Variants in IGF2BP2 observed in about 807,000 individuals in gnomAD.
IGF2BP2 encodes the protein insulin like growth factor 2 mRNA binding protein 2.
IGF2BP2 carries 17 observed loss-of-function variants against 75.8 expected under a neutral mutation model. The observed-to-expected ratio is 0.22, with a 90% CI of 0.15 to 0.34. IGF2BP2 has a LOEUF of 0.34. Among genes scored for constraint, IGF2BP2 ranks in the 10% least tolerant of loss-of-function variants. The probability of loss-of-function intolerance (pLI) is 1.00; values close to 1 mark genes in which losing one functional copy is unlikely to be tolerated. For synonymous variants in IGF2BP2, 288 were observed against 295.6 expected, an observed-to-expected ratio of 0.97 and a Z score of 0.26; for missense variants, 516 against 772.4, an observed-to-expected ratio of 0.67 and a Z score of 3.93.
chr3:185,693,008 TTA>T (rs1453061814), intron 4 of IGF2BP2, among the ~76,000 whole-genome samples: 1 of 152,234 alleles, frequency 6.6e-6, no homozygotes, highest in Non-Finnish European at 1.5e-5. Flanking sequence ...ATAAACACTT[TTA>T]TATGAGTATT....
chr3:185,730,335 T>G (rs1189920402), intron 2 of IGF2BP2, among the ~76,000 whole-genome samples: 1 of 152,196 alleles, frequency 6.6e-6, no homozygotes, highest in East Asian at 1.9e-4. Flanking sequence ...TACCACCTTT[T>G]CTTTATCCAA....
At chr3:185,733,751 C>T (rs544217799) in intron 2 of IGF2BP2, among the ~76,000 whole-genome samples, 54 of 151,754 alleles carry the variant, frequency 3.6e-4, no homozygotes, top group Admixed American at 7.2e-4. Flanking sequence ...AGCGAAACTC[C>T]GCCTCAATAA....
intron 2 of IGF2BP2, among the ~76,000 whole-genome samples, chr3:185,763,806 T>G (rs1021591702): frequency 3.3e-5 from 5 of 151,990 alleles, no homozygotes; most frequent in Admixed American, 6.6e-5. Context: ...TTTTTGCGTG[T>G]TTTTTTTAAG....
chr3:185,739,319 G>C (rs944396777), intron 2 of IGF2BP2, among the ~76,000 whole-genome samples: 3 of 152,100 alleles, frequency 2.0e-5, no homozygotes, highest in Admixed American at 2.0e-4. Flanking sequence ...CATTTAAACA[G>C]AATTGGCAGA....
At chr3:185,747,899 C>T (rs1490730978) in intron 2 of IGF2BP2, among the ~76,000 whole-genome samples, 5 of 151,390 alleles carry the variant, frequency 3.3e-5, no homozygotes, top group South Asian at 4.2e-4. Context: ...TCTGTTGCCC[C>T]GGCTGGAGTG....
At chr3:185,660,175 C>G (rs973041398) in intron 10 of IGF2BP2, among the ~76,000 whole-genome samples, 3 of 152,202 alleles carry the variant, frequency 2.0e-5, no homozygotes, top group Admixed American at 2.0e-4. Flanking sequence ...TGGGTCAACA[C>G]TGACATTGCT....
At chr3:185,821,042 T>C (rs773389290) in intron 2 of IGF2BP2, 9 of 1,535,630 alleles carry the variant, frequency 5.9e-6, no homozygotes, top group South Asian at 1.2e-5. Context: ...AACGTGGTAG[T>C]GTCCAGGACA....
chr3:185,774,070 G>T lies in IGF2BP2; in HGVS notation c.239+49083C>A, dbSNP rs79105658. Among the ~76,000 whole-genome samples, 612 of 152,258 alleles carry T rather than the reference G, an allele frequency of 4.0e-3. 3 individuals are homozygous for T. The highest frequency in any genetic ancestry group is 0.014 in the African/African-American group (588 of 41,544). On this transcript the variant is annotated intron_variant, in intron 2 of 15. Transcript: ENST00000382199. ...CTGTTCTCTACCTCTCCTTAACACA[G>T]TGCTGAACACAATTTTCTGGAGGAG...
At chr3:185,767,254 T>G (rs1733212337) in intron 2 of IGF2BP2, among the ~76,000 whole-genome samples, 1 of 152,224 alleles carries the variant, frequency 6.6e-6, no homozygotes, top group Non-Finnish European at 1.5e-5. Context: ...CCTCAATGCA[T>G]TCTTTTGTGC....
chr3:185,692,580 G>T (rs1722084978), intron 5 of IGF2BP2, 119 bp downstream of exon 5: 5 of 838,638 alleles, frequency 6.0e-6, no homozygotes, highest in Non-Finnish European at 9.4e-6. Context: ...GTCAAAGGTG[G>T]CACATATCCA....
intron 10 of IGF2BP2, among the ~76,000 whole-genome samples, chr3:185,661,560 C>T (rs941078747): frequency 9.3e-5 from 14 of 150,718 alleles, no homozygotes; most frequent in African/African-American, 3.4e-4. Context: ...TCGCTTGAAC[C>T]CGGGAGACAA....
intron 2 of IGF2BP2, among the ~76,000 whole-genome samples, chr3:185,816,491 G>C (rs1017344446): frequency 6.6e-6 from 1 of 152,020 alleles, no homozygotes; most frequent in South Asian, 2.1e-4. Context: ...TACCACCCTC[G>C]AACAGCATTC....
At position 185,731,163 on chromosome 3, in the gene IGF2BP2, C is replaced by T. The variant is rs140229012; in HGVS notation, c.240-32816G>A. Among the ~76,000 whole-genome samples, 275 of 151,860 alleles carry T rather than the reference C, an allele frequency of 1.8e-3. 3 individuals are homozygous for T. The highest frequency in any genetic ancestry group is 6.0e-3 in the African/African-American group (248 of 41,388). Reference sequence around the variant, plus strand: ...TTAAGAGTATAAAGGGATACAGAGACCAAAATTTGAAAATCACTGCTGTAC... The same window carrying T: ...TTAAGAGTATAAAGGGATACAGAGATCAAAATTTGAAAATCACTGCTGTAC... On this transcript the variant is annotated intron_variant, in intron 2 of 15. Transcript: ENST00000382199.
intron 2 of IGF2BP2, among the ~76,000 whole-genome samples, chr3:185,739,210 G>C (rs1308305521): frequency 6.6e-6 from 1 of 152,134 alleles, no homozygotes; most frequent in Non-Finnish European, 1.5e-5. Context: ...AACGGCCATT[G>C]CAACTGTACT....
intron 2 of IGF2BP2, among the ~76,000 whole-genome samples, chr3:185,701,221 T>G (rs1723251056): frequency 1.3e-5 from 2 of 152,070 alleles, no homozygotes; most frequent in African/African-American, 4.8e-5. Context: ...TGAGCCACCA[T>G]GCCCACCCCT....
chr3:185,699,727 A>G (rs1723041079), intron 2 of IGF2BP2, among the ~76,000 whole-genome samples: 2 of 152,188 alleles, frequency 1.3e-5, no homozygotes, highest in African/African-American at 4.8e-5. Flanking sequence ...TCCTCAAGGT[A>G]GAGTTAGAGA....
chr3:185,689,525 G>C lies in IGF2BP2; in HGVS notation c.507C>G (p.Ala169=). Residue 169 remains alanine, a synonymous_variant, in exon 6 of 16, where the codon GCC becomes GCG. Coordinates refer to ENST00000382199, the MANE Select transcript of IGF2BP2 (RefSeq NM_006548.6). The part of the protein sequence containing the change: ...EVSSPSPPQR[A]QRGDHSSREQ... Reference sequence around the variant, plus strand: ...CCCGGGAAGAGTGGTCCCCACGCTGGGCTCGCTGAGGGGGCGAAGGGGAGC... The same window carrying C: ...CCCGGGAAGAGTGGTCCCCACGCTGCGCTCGCTGAGGGGGCGAAGGGGAGC... The C allele has an allele frequency of 6.2e-7, 1 of 1,614,230 alleles. No individual in the cohort carries two copies. Among genetic ancestry groups the C allele is most frequent in the Non-Finnish European group, 8.5e-7 (1 of 1,180,044 alleles).
intron 2 of IGF2BP2, among the ~76,000 whole-genome samples, chr3:185,712,087 T>C (rs1724885920): frequency 6.6e-6 from 1 of 152,196 alleles, no homozygotes; most frequent in South Asian, 2.1e-4. Context: ...GGAGAGAAAC[T>C]ATTAAAGTTA....
chr3:185,821,565 A>C (rs915826244), intron 2 of IGF2BP2, among the ~76,000 whole-genome samples: 1 of 152,240 alleles, frequency 6.6e-6, no homozygotes, highest in African/African-American at 2.4e-5. Flanking sequence ...CCAGTATTTC[A>C]CATATACCAC....
Sources: allele counts gnomAD v4.1 joint callset (sites outside exome capture counted in the v4.1 genomes callset), GRCh38; gene constraint gnomAD v4.1.1; transcripts MANE v1.5; gene names NCBI Gene and HGNC (gene_info 2026-07-23, HGNC 2026-07-21).